Variants in SPOCK3 observed in about 807,000 individuals in gnomAD.
SPOCK3 encodes the protein SPARC (osteonectin), cwcv and kazal like domains proteoglycan 3, also known as testican-3.
Under a neutral mutation model 56.6 loss-of-function variants are expected in SPOCK3, and 30 were observed. That is an observed-to-expected ratio of 0.53 (90% CI 0.40 to 0.72). The LOEUF (loss-of-function observed/expected upper bound fraction) is 0.72, where lower values mean the gene tolerates loss of function less well. Among genes scored for constraint, SPOCK3 ranks in the 30% least tolerant of loss-of-function variants. The probability of loss-of-function intolerance (pLI) is 0.00; values close to 1 mark genes in which losing one functional copy is unlikely to be tolerated. For synonymous variants in SPOCK3, 196 were observed against 183.3 expected (o/e 1.07, Z -0.56); for missense variants, 527 against 530.0 (o/e 0.99, Z 0.06).
intron 7 of SPOCK3, among the ~76,000 whole-genome samples, chr4:166,776,906 C>T (rs377499922): frequency 6.6e-6 from 1 of 152,066 alleles, no homozygotes; most frequent in East Asian, 1.9e-4. Context: ...TAAATAATTG[C>T]ATTAAAAGTA....
intron 6 of SPOCK3, among the ~76,000 whole-genome samples, chr4:166,809,385 T>C (rs1743525978): frequency 6.6e-6 from 1 of 152,018 alleles, no homozygotes; most frequent in African/African-American, 2.4e-5. Context: ...CAATGAATAT[T>C]CCTTTTCAAT....
intron 6 of SPOCK3, among the ~76,000 whole-genome samples, chr4:166,831,517 A>G (rs1746052650): frequency 6.6e-6 from 1 of 152,078 alleles, no homozygotes; most frequent in African/African-American, 2.4e-5. Context: ...TTCTTGAGTA[A>G]GCATTAGTTA....
chr4:166,823,386 A>C (rs1745137379), intron 6 of SPOCK3, among the ~76,000 whole-genome samples: 1 of 152,080 alleles, frequency 6.6e-6, no homozygotes, highest in Non-Finnish European at 1.5e-5. Context: ...TGACTGATGT[A>C]TATTTTATTG....
chr4:167,197,678 T>C (rs1194934739), intron 2 of SPOCK3, among the ~76,000 whole-genome samples: 1 of 152,048 alleles, frequency 6.6e-6, no homozygotes, highest in Non-Finnish European at 1.5e-5. Flanking sequence ...ATTAAGAAAC[T>C]GGACAAAAAT....
chr4:167,160,796 T>A (rs536842567), intron 2 of SPOCK3, among the ~76,000 whole-genome samples: 1 of 152,296 alleles, frequency 6.6e-6, no homozygotes, highest in East Asian at 1.9e-4. Context: ...GGGAAAGGAC[T>A]CCCTATTTAA....
chr4:167,128,375 C>T (rs1037051809), intron 2 of SPOCK3, among the ~76,000 whole-genome samples: 1 of 152,286 alleles, frequency 6.6e-6, no homozygotes, highest in East Asian at 1.9e-4. Flanking sequence ...GATCACTTAC[C>T]TCTCTTCTTA....
intron 5 of SPOCK3, among the ~76,000 whole-genome samples, chr4:166,891,861 G>A (rs1222291588): frequency 6.6e-6 from 1 of 151,842 alleles, no homozygotes; most frequent in African/African-American, 2.4e-5. Context: ...AAAGCCAAAA[G>A]TCAATATTAA....
intron 6 of SPOCK3, among the ~76,000 whole-genome samples, chr4:166,873,935 A>G (rs1732781192): frequency 6.6e-6 from 1 of 152,164 alleles, no homozygotes; most frequent in African/African-American, 2.4e-5. Context: ...TGGATTTGAT[A>G]ATAATATTGT....
chr4:166,989,266 A>T (rs1159909172), intron 4 of SPOCK3, among the ~76,000 whole-genome samples: 1 of 152,074 alleles, frequency 6.6e-6, no homozygotes, highest in Non-Finnish European at 1.5e-5. Context: ...TCTCTATCGC[A>T]CACATTATTA....
At chr4:166,946,212 G>C (rs1256072138) in intron 4 of SPOCK3, among the ~76,000 whole-genome samples, 1 of 151,972 alleles carries the variant, frequency 6.6e-6, no homozygotes, top group Non-Finnish European at 1.5e-5. Flanking sequence ...ATATGTTCTT[G>C]ATACAGTTGC....
intron 6 of SPOCK3, among the ~76,000 whole-genome samples, chr4:166,877,967 A>C (rs1471207500): frequency 6.6e-6 from 1 of 152,106 alleles, no homozygotes; most frequent in African/African-American, 2.4e-5. Context: ...AATATGAAAA[A>C]TGCTACCAGG....
intron 4 of SPOCK3, among the ~76,000 whole-genome samples, chr4:166,967,973 C>T (rs552046913): frequency 3.2e-4 from 48 of 152,230 alleles, no homozygotes; most frequent in East Asian, 9.7e-4. Context: ...TGGGAACTAG[C>T]GTAAAGATCA....
intron 3 of SPOCK3, among the ~76,000 whole-genome samples, chr4:167,034,937 G>C (rs1359553437): frequency 6.6e-6 from 1 of 152,082 alleles, no homozygotes; most frequent in Non-Finnish European, 1.5e-5. Flanking sequence ...AAATACATGT[G>C]TGTTCAAGTA....
intron 8 of SPOCK3, among the ~76,000 whole-genome samples, chr4:166,752,571 TATACACACACACAC>T (rs1473230917): frequency 6.0e-4 from 8 of 13,326 alleles, no homozygotes; most frequent in Admixed American, 1.8e-3. Flanking sequence ...TATATATATA[TATACACACACACAC>T]ACACACACAC....
intron 2 of SPOCK3, among the ~76,000 whole-genome samples, chr4:167,166,031 T>C (rs1189606243): frequency 6.6e-6 from 1 of 152,074 alleles, no homozygotes; most frequent in African/African-American, 2.4e-5. Context: ...CTAAGATGGA[T>C]GACAAGTTAC....
intron 4 of SPOCK3, among the ~76,000 whole-genome samples, chr4:166,932,889 TTG>T (rs1468913533): frequency 5.9e-5 from 9 of 152,162 alleles, no homozygotes; most frequent in African/African-American, 1.7e-4. Context: ...GAAAGATTTA[TTG>T]TGTGTCTAGT....
intron 2 of SPOCK3, among the ~76,000 whole-genome samples, chr4:167,102,875 G>A (rs960913306): frequency 7.1e-6 from 1 of 141,692 alleles, no homozygotes; most frequent in Non-Finnish European, 1.5e-5. Flanking sequence ...GACGGCTAAG[G>A]AAGTGTTTGT....
At chr4:166,946,547 G>T (rs966131343) in intron 4 of SPOCK3, among the ~76,000 whole-genome samples, 5 of 152,116 alleles carry the variant, frequency 3.3e-5, no homozygotes, top group African/African-American at 1.2e-4. Flanking sequence ...CAATCGATTA[G>T]CTTCTTCAGT....
chr4:166,775,293 A>T (rs1174483517), intron 7 of SPOCK3, among the ~76,000 whole-genome samples: 1 of 152,054 alleles, frequency 6.6e-6, no homozygotes, highest in Non-Finnish European at 1.5e-5. Context: ...TCACAGTAAA[A>T]ACTTGCCTTT....
Sources: allele counts gnomAD v4.1 joint callset (sites outside exome capture counted in the v4.1 genomes callset), GRCh38; gene constraint gnomAD v4.1.1; transcripts MANE v1.5; gene names NCBI Gene and HGNC (gene_info 2026-07-23, HGNC 2026-07-21).